TEX2: variants seen among roughly 807,000 people sequenced by gnomAD.
The protein encoded by TEX2 is testis-expressed protein 2.
A neutral mutation model predicts 106.9 loss-of-function variants in TEX2; 53 were observed. The observed-to-expected ratio is 0.50, with a 90% CI of 0.40 to 0.62. TEX2 has a LOEUF of 0.62. TEX2 is among the 20% of genes least tolerant of loss of function. The pLI, the probability that TEX2 is intolerant of heterozygous loss-of-function variation, is 0.00. For missense variants in TEX2, 1,207 were observed against 1,379.0 expected (o/e 0.88, Z 1.98); for synonymous variants, 523 against 534.8 (o/e 0.98, Z 0.30).
At chr17:64,155,907 A>T (rs2030603252) in intron 8 of TEX2, 1 of 152,296 alleles carries the variant, frequency 6.6e-6, no homozygotes. Flanking sequence ...GCTGTGTCTG[A>T]GCCCAGAGAC....
Position 64,218,301 on chromosome 17 carries a change from C to T in TEX2, c.-25-4059G>A, listed in dbSNP as rs1464810175. On this transcript the variant is annotated intron_variant, in intron 1 of 11. Coordinates refer to ENST00000584379, the MANE Select transcript of TEX2 (RefSeq NM_001288732.2). ...GCTTCAAGAACTGAGCAAGGAATAA[C>T]AGTACAGAAACTAAAGAAAACAGGA... Among the ~76,000 whole-genome samples the T allele has an allele frequency of 2.0e-5, 3 of 151,374 alleles. No individual in the cohort carries two copies. The East Asian group carries it at 5.8e-4, about 29-fold the overall frequency.
At chr17:64,230,253 G>T (rs1448636668) in intron 1 of TEX2, among the ~76,000 whole-genome samples, 1 of 152,174 alleles carries the variant, frequency 6.6e-6, no homozygotes, top group Non-Finnish European at 1.5e-5. Context: ...GGCCCCGTGT[G>T]AGCTGGCCCA....
intron 9 of TEX2, 43 bp downstream of exon 9, chr17:64,154,799 G>A: frequency 1.3e-6 from 2 of 1,522,286 alleles, no homozygotes; most frequent in East Asian, 2.4e-5. Context: ...TTGCTGTCCT[G>A]ATCCCTGGAG....
chr17:64,158,567 T>C (rs1342442208), intron 8 of TEX2, among the ~76,000 whole-genome samples: 2 of 152,156 alleles, frequency 1.3e-5, no homozygotes, highest in Non-Finnish European at 2.9e-5. Flanking sequence ...CTGACCCCTG[T>C]CCCTCCTCTG....
chr17:64,195,201 C>A lies in TEX2; in HGVS notation c.1645-106G>T. 1.0e-6 allele frequency: 1 copy of A among 995,728 alleles called. No homozygotes were observed. Among genetic ancestry groups the A allele is most frequent in the South Asian group, 1.5e-5 (1 of 68,842 alleles). 61.7% of individuals were successfully genotyped at this position (995,728 alleles called of 1,614,324 possible). On this transcript the variant is annotated intron_variant, in intron 2 of 11. Coordinates refer to ENST00000584379, the MANE Select transcript of TEX2 (RefSeq NM_001288732.2). This position sits in a 1 kb window ranked among gnomAD's most constrained non-coding sequence, Gnocchi z 4.1. Reference sequence around the variant, plus strand: ...TTGGGACACTGAAACCAAACTTGATCACGACACAGATATCAGCTCACCAAT... The same window carrying A: ...TTGGGACACTGAAACCAAACTTGATAACGACACAGATATCAGCTCACCAAT...
At chr17:64,250,961 G>C (rs2034079251) in intron 1 of TEX2, among the ~76,000 whole-genome samples, 2 of 152,196 alleles carry the variant, frequency 1.3e-5, no homozygotes, top group Non-Finnish European at 2.9e-5. Context: ...CAAAGTGCTG[G>C]ATTACAGGTG....
At chr17:64,167,762 T>C (rs972231820) in intron 7 of TEX2, among the ~76,000 whole-genome samples, 1 of 151,734 alleles carries the variant, frequency 6.6e-6, no homozygotes, top group African/African-American at 2.4e-5. Flanking sequence ...GAGGTTGCAG[T>C]GAGTTGAGAT....
At chr17:64,231,107 C>A (rs1254079841) in intron 1 of TEX2, among the ~76,000 whole-genome samples, 1 of 152,212 alleles carries the variant, frequency 6.6e-6, no homozygotes, top group East Asian at 1.9e-4. Flanking sequence ...ATCAGCCGCA[C>A]CTGCATGTGC....
Position 64,148,894 on chromosome 17 carries a change from A to G in TEX2, c.*75T>C. ...TAGCTGTGGCACAGAGGCCAGTGCT[A>G]CAGTACAGATGGCGGCCAAGAACCC... On this transcript the variant is annotated 3_prime_UTR_variant, in exon 12 of 12. Coordinates refer to ENST00000584379, the MANE Select transcript of TEX2 (RefSeq NM_001288732.2). The G allele has an allele frequency of 4.4e-6, 7 of 1,586,808 alleles. No individual in the cohort carries two copies. The highest frequency in any genetic ancestry group is 6.0e-6 in the Non-Finnish European group (7 of 1,162,468).
chr17:64,156,746 C>A (rs2030646794), intron 8 of TEX2, among the ~76,000 whole-genome samples: 1 of 152,202 alleles, frequency 6.6e-6, no homozygotes, highest in East Asian at 1.9e-4. Context: ...GGTGTGAAAT[C>A]TGTCCCCACA....
chr17:64,245,671 C>A (rs1269313099), intron 1 of TEX2, among the ~76,000 whole-genome samples: 2 of 152,076 alleles, frequency 1.3e-5, no homozygotes, highest in Admixed American at 6.5e-5. Flanking sequence ...TACGATGAAC[C>A]TTTTTCACTT....
chr17:64,232,505 C>T (rs2033680532), intron 1 of TEX2, among the ~76,000 whole-genome samples: 1 of 152,120 alleles, frequency 6.6e-6, no homozygotes, highest in Non-Finnish European at 1.5e-5. Context: ...CAAGTCACTG[C>T]CACAGGTGTG....
intron 1 of TEX2, among the ~76,000 whole-genome samples, chr17:64,240,137 T>C (rs1555635597): frequency 6.6e-6 from 1 of 152,052 alleles, no homozygotes; most frequent in Non-Finnish European, 1.5e-5. Flanking sequence ...TGTTTAAAAA[T>C]GTAAATGAAT....
At chr17:64,237,780 C>T (rs2033802770) in intron 1 of TEX2, among the ~76,000 whole-genome samples, 1 of 152,110 alleles carries the variant, frequency 6.6e-6, no homozygotes, top group African/African-American at 2.4e-5. Flanking sequence ...CAGTTTGGGA[C>T]ATTTTATTCT....
chr17:64,164,443 A>G (rs1430551972), intron 7 of TEX2, among the ~76,000 whole-genome samples: 1 of 152,010 alleles, frequency 6.6e-6, no homozygotes, highest in African/African-American at 2.4e-5. Flanking sequence ...GAAAAAAAAA[A>G]AAAACCCTGG....
At chr17:64,175,942 C>G (rs2031600194) in intron 6 of TEX2, among the ~76,000 whole-genome samples, 1 of 152,248 alleles carries the variant, frequency 6.6e-6, no homozygotes. Context: ...CCTGGGAACT[C>G]AAGCCTTCCA....
In TEX2 at chr17:64,172,890, G is replaced by A. The variant is rs147501555; in HGVS notation, c.2572-1691C>T. ...AATAACATAAGAATACTGGCATCAT[G>A]TTTAAAAATTCCTACTTCATCTCAA... On this transcript the variant is annotated intron_variant, in intron 6 of 11. Coordinates refer to ENST00000584379, the MANE Select transcript of TEX2 (RefSeq NM_001288732.2). Among the ~76,000 whole-genome samples the A allele has an allele frequency of 2.9e-3, 437 of 152,156 alleles. 2 individuals are homozygous for A. Among genetic ancestry groups the A allele is most frequent in the African/African-American group, 9.7e-3 (401 of 41,518 alleles).
intron 7 of TEX2, among the ~76,000 whole-genome samples, chr17:64,169,234 T>C (rs1356031177): frequency 1.3e-5 from 2 of 152,156 alleles, no homozygotes; most frequent in African/African-American, 4.8e-5. Flanking sequence ...AGACGGGGTT[T>C]CACCACGTTG....
At chr17:64,155,565 A>G (rs1207783171) in intron 8 of TEX2, 1 of 152,168 alleles carries the variant, frequency 6.6e-6, no homozygotes, top group African/African-American at 2.4e-5. Flanking sequence ...AGAAAAAGCC[A>G]ACAACCACAT....
Sources: gnomAD v4.1 joint callset for allele counts (sites outside exome capture counted in the v4.1 genomes callset) on GRCh38, gnomAD v4.1.1 for gene constraint, Gnocchi (gnomAD v3.1) non-coding constraint, MANE v1.5 for transcripts, NCBI Gene and HGNC (gene_info 2026-07-23, HGNC 2026-07-21) for gene names.